PDE6A: variants seen among roughly 807,000 people sequenced by gnomAD.
PDE6A encodes the protein rod cGMP-specific 3',5'-cyclic phosphodiesterase subunit alpha.
In PDE6A, 84 loss-of-function variants were observed where a neutral mutation model predicts 106.3. That is an observed-to-expected ratio of 0.79 (90% CI 0.66 to 0.95). The LOEUF is 0.95. Among genes scored for constraint, PDE6A ranks in the 40% least tolerant of loss-of-function variants. PDE6A has a pLI of 0.00. For missense variants in PDE6A, 1,052 were observed against 1,084.9 expected (o/e 0.97, Z 0.43); for synonymous variants, 394 against 386.6 (o/e 1.02, Z -0.23).
intron 5 of PDE6A, among the ~76,000 whole-genome samples, chr5:149,919,501 C>T (rs1478611941): frequency 2.6e-5 from 4 of 151,980 alleles, no homozygotes; most frequent in Non-Finnish European, 4.4e-5. Flanking sequence ...GAGTGACAGT[C>T]CATCTCAAAA....
intron 10 of PDE6A, 41 bp from the exon 11 acceptor site, chr5:149,896,817 C>A: frequency 6.2e-7 from 1 of 1,603,722 alleles, no homozygotes; most frequent in Non-Finnish European, 8.5e-7. Flanking sequence ...AAATAGGTTA[C>A]AACATGCCTC....
At chr5:149,910,518 T>A (rs1753348149) in intron 6 of PDE6A, among the ~76,000 whole-genome samples, 1 of 152,206 alleles carries the variant, frequency 6.6e-6, no homozygotes, top group Non-Finnish European at 1.5e-5. Flanking sequence ...TCTCACACTT[T>A]TTTCTGTCAT....
intron 13 of PDE6A, among the ~76,000 whole-genome samples, chr5:149,887,218 C>CT (rs1449332046): frequency 6.6e-6 from 1 of 152,172 alleles, no homozygotes; most frequent in East Asian, 1.9e-4. Flanking sequence ...ACTTCCAAGT[C>CT]CAACAATAGA....
chr5:149,902,500 T>C (rs1432095717), intron 8 of PDE6A, among the ~76,000 whole-genome samples: 2 of 127,948 alleles, frequency 1.6e-5, no homozygotes, highest in Admixed American at 1.4e-4. Context: ...CCATGAAACA[T>C]TTGTTAAAAA....
intron 13 of PDE6A, among the ~76,000 whole-genome samples, chr5:149,890,222 G>A (rs966675181): frequency 9.2e-5 from 14 of 152,166 alleles, no homozygotes; most frequent in Admixed American, 4.6e-4. Context: ...CTCCCAAAGT[G>A]CTGAGATTAC....
chr5:149,860,279 G>C lies in PDE6A; in HGVS notation c.*616C>G, dbSNP rs1760086698. ...GACGAAATGCATGTAGCAAAATCTT[G>C]ATATTGGAATCTGGGTGATGGGTAT... is the stretch of plus-strand genomic sequence containing the variant. On this transcript the variant is annotated 3_prime_UTR_variant, in exon 22 of 22. Coordinates refer to ENST00000255266, the MANE Select transcript of PDE6A (RefSeq NM_000440.3). The C allele has an allele frequency of 6.6e-6, 1 of 152,228 alleles. No homozygotes were observed. The highest frequency in any genetic ancestry group is 2.4e-5 in the African/African-American group (1 of 41,456). 9.4% of individuals were successfully genotyped at this position (152,228 alleles called of 1,614,324 possible).
In PDE6A at chr5:149,932,724, C is replaced by T; in HGVS notation, c.717+1206G>A. On this transcript the variant is annotated intron_variant, in intron 3 of 21. Coordinates refer to ENST00000255266, the MANE Select transcript of PDE6A (RefSeq NM_000440.3). ...CCACTCACCAAATGTGTACCAACTACTGCTTGCTGTTTGGCACTGTCGGCT... is the reference window on the plus strand; with the variant it reads ...CCACTCACCAAATGTGTACCAACTATTGCTTGCTGTTTGGCACTGTCGGCT... 3 of 1,481,524 alleles carry T rather than the reference C, an allele frequency of 2.0e-6. No individual in the cohort carries two copies. The South Asian group carries it at 3.4e-5, about 17-fold the overall frequency. The allele number at this position is 1,481,524 out of a possible 1,614,324, so 91.8% of individuals were successfully genotyped here. A position where few individuals can be genotyped will look rare whatever the true frequency, so the allele number is the denominator to read the frequency against.
chr5:149,895,564 T>TC (rs1752713348), intron 12 of PDE6A, among the ~76,000 whole-genome samples: 1 of 152,122 alleles, frequency 6.6e-6, no homozygotes, highest in Non-Finnish European at 1.5e-5. Context: ...TGACTGAGCT[T>TC]CATCAGTAAT....
chr5:149,858,824 TTTC>T lies in PDE6A; in HGVS notation c.*2068_*2070del, dbSNP rs1280972860. 339 of 73,510 alleles carry T rather than the reference TTTC, an allele frequency of 4.6e-3. 26 individuals carry two copies. The highest frequency in any genetic ancestry group is 6.6e-3 in the African/African-American group (131 of 19,980). 4.6% of individuals were successfully genotyped at this position (73,510 alleles called of 1,614,324 possible). A position where few individuals can be genotyped will look rare whatever the true frequency, so the allele number is the denominator to read the frequency against. On this transcript the variant is annotated 3_prime_UTR_variant, in exon 22 of 22. Transcript: ENST00000255266. ...AATTCTATCTGCCACATCTTTTTTT[TTTC>T]TTTTTTTTTTTTTTGAGACGGAGTC... is the stretch of plus-strand genomic sequence containing the variant.
chr5:149,930,701 G>A (rs1754007952), intron 4 of PDE6A, among the ~76,000 whole-genome samples: 1 of 152,130 alleles, frequency 6.6e-6, no homozygotes, highest in African/African-American at 2.4e-5. Flanking sequence ...CCCTGAAGTT[G>A]GCAACTTTCT....
chr5:149,869,970 G>A (rs12109786), intron 17 of PDE6A, among the ~76,000 whole-genome samples: 1,896 of 152,248 alleles, frequency 0.012, 41 homozygotes, highest in African/African-American at 0.043. Context: ...AGTTACTCAT[G>A]GAATATTAAC....
chr5:149,884,393 T>A lies in PDE6A; in HGVS notation c.2027+86A>T, dbSNP rs1404555835. On this transcript the variant is annotated intron_variant, in intron 16 of 21. Transcript: ENST00000255266. ...ATATATGTGTGTATATATATGTGTA[T>A]ATATGTATATATATGTGTGTATATA... is the stretch of plus-strand genomic sequence containing the variant. 1.0e-5 allele frequency: 8 copies of A among 799,616 alleles called. No homozygotes were observed. In the East Asian group the frequency reaches 1.3e-4, roughly 13 times the overall value. The allele number at this position is 799,616 out of a possible 1,614,324, so 49.5% of individuals were successfully genotyped here.
chr5:149,907,180 G>A, intron 7 of PDE6A, 132 bp downstream of exon 7: 1 of 784,630 alleles, frequency 1.3e-6, no homozygotes, highest in South Asian at 1.4e-5. Flanking sequence ...TGAATTGAGA[G>A]AAACAAGAGA....
intron 7 of PDE6A, among the ~76,000 whole-genome samples, chr5:149,906,609 T>G (rs1419692962): frequency 6.6e-6 from 1 of 150,466 alleles, no homozygotes; most frequent in Non-Finnish European, 1.5e-5. Context: ...AGCCTCATGT[T>G]TTGCTGTCTT....
chr5:149,869,388 G>C (rs1760453620), intron 17 of PDE6A, among the ~76,000 whole-genome samples: 1 of 151,422 alleles, frequency 6.6e-6, no homozygotes, highest in South Asian at 2.1e-4. Context: ...GGTAGAAAGA[G>C]TTCAAAGGTA....
intron 5 of PDE6A, among the ~76,000 whole-genome samples, chr5:149,920,417 C>A (rs1347582326): frequency 1.3e-5 from 2 of 152,010 alleles, no homozygotes; most frequent in Non-Finnish European, 2.9e-5. Context: ...CCTGTCTCTA[C>A]TAAAAATACG....
chr5:149,939,668 T>G lies in PDE6A; in HGVS notation c.474+4532A>C, dbSNP rs547198340. Among the ~76,000 whole-genome samples the G allele has an allele frequency of 6.4e-4, 98 of 152,324 alleles. No individual in the cohort carries two copies. In the Middle Eastern group the frequency reaches 0.01, roughly 16 times the overall value. On this transcript the variant is annotated intron_variant, in intron 1 of 21. Transcript: ENST00000255266. ...AACAATGCTGTGGGGTAGCTCTTAT[T>G]TCCCCATTTTATAAAATAGGAAATA...
At chr5:149,894,250 T>C (rs1257884190) in intron 13 of PDE6A, among the ~76,000 whole-genome samples, 1 of 152,186 alleles carries the variant, frequency 6.6e-6, no homozygotes, top group South Asian at 2.1e-4. Context: ...ATGTTGCACT[T>C]ATCTTTTCTC....
chr5:149,893,738 C>T (rs960361983), intron 13 of PDE6A, among the ~76,000 whole-genome samples: 3 of 152,176 alleles, frequency 2.0e-5, no homozygotes, highest in Non-Finnish European at 2.9e-5. Flanking sequence ...CTTAACTGAA[C>T]TCTGTTCATG....
Sources: allele counts gnomAD v4.1 joint callset (sites outside exome capture counted in the v4.1 genomes callset), GRCh38; gene constraint gnomAD v4.1.1; transcripts MANE v1.5; gene names NCBI Gene and HGNC (gene_info 2026-07-23, HGNC 2026-07-21).